The following CHPF2 variants were observed in gnomAD, a reference collection of about 807,000 sequenced individuals.
CHPF2 encodes chondroitin polymerizing factor 2.
Under a neutral mutation model 63.0 loss-of-function variants are expected in CHPF2, and 58 were observed. The observed-to-expected ratio is 0.92, with a 90% CI of 0.75 to 1.15. CHPF2 has a LOEUF of 1.15. CHPF2 is among the 50% of genes most tolerant of loss of function. CHPF2 has a pLI of 0.00. For missense variants in CHPF2, 1,045 were observed against 1,035.4 expected, an observed-to-expected ratio of 1.01 and a Z score of -0.13; for synonymous variants, 442 against 438.0, an observed-to-expected ratio of 1.01 and a Z score of -0.11.
rs772223223 is a variant in CHPF2 at position 151,234,181 on chromosome 7, C to G, written c.170C>G (p.Ser57Cys). ...GERGGPQNPD[S>C]RARLDQSDED... The stretch of plus-strand genomic sequence containing the variant: ...CGAGGAGGGCCACAGAATCCAGATT[C>G]CAGAGCTCGGCTAGACCAAAGTGAT... Residue 57 changes from serine to cysteine, a missense_variant, in exon 1 of 4, where the codon TCC becomes TGC. Transcript: ENST00000035307. The G allele has an allele frequency of 7.6e-5, 123 of 1,613,670 alleles. No individual in the cohort carries two copies. The highest frequency in any genetic ancestry group is 9.9e-5 in the Non-Finnish European group (117 of 1,179,878).
intron 2 of CHPF2, 137 bp from the exon 3 acceptor site, chr7:151,236,271 G>A: frequency 1.5e-6 from 1 of 684,864 alleles, no homozygotes; most frequent in Non-Finnish European, 2.3e-6. Context: ...GTTAAGCGAG[G>A]TGCTGGAAAG....
Position 151,232,992 on chromosome 7 carries a change from C to T in CHPF2, c.-1020C>T, listed in dbSNP as rs1248878568. 3.3e-5 allele frequency: 42 copies of T among 1,281,682 alleles called. No homozygotes were observed. The South Asian group carries it at 9.8e-4, about 30-fold the overall frequency. The allele number at this position is 1,281,682 out of a possible 1,614,324, so 79.4% of individuals were successfully genotyped here. A position where few individuals can be genotyped will look rare whatever the true frequency, so the allele number is the denominator to read the frequency against. On this transcript the variant is annotated 5_prime_UTR_variant, in exon 1 of 4. Coordinates refer to ENST00000035307, the MANE Select transcript of CHPF2 (RefSeq NM_019015.3). ...TCTAGGGCTAGACTTGGTCTCTGATCGCCGAGAGGTAGCGCAGGGGCTGTG... is the reference window on the plus strand; with the variant it reads ...TCTAGGGCTAGACTTGGTCTCTGATTGCCGAGAGGTAGCGCAGGGGCTGTG...
rs563632120 is a variant in CHPF2, at chr7:151,232,516, A to C, written c.-1496A>C. 224 of 500,690 alleles carry C rather than the reference A, an allele frequency of 4.5e-4. No homozygotes were observed. Among genetic ancestry groups the C allele is most frequent in the Non-Finnish European group, 6.3e-4 (179 of 284,812 alleles). 31.0% of individuals were successfully genotyped at this position (500,690 alleles called of 1,614,324 possible). On this transcript the variant is annotated 5_prime_UTR_variant, in exon 1 of 4. Coordinates refer to ENST00000035307, the MANE Select transcript of CHPF2 (RefSeq NM_019015.3). ...CTGCGGACAGGGGCTGTGAGGTGGC[A>C]GCGGCTGCAGCGGCGGAGCCGGCGC...
rs201003391 is a variant in CHPF2 at position 151,233,138 on chromosome 7, C to T, written c.-874C>T. On this transcript the variant is annotated 5_prime_UTR_variant, in exon 1 of 4. Coordinates refer to ENST00000035307, the MANE Select transcript of CHPF2 (RefSeq NM_019015.3). The stretch of plus-strand genomic sequence containing the variant: ...TTGCTTTTGGTTTGCTTCATTTGGC[C>T]CCTGGGGCCCTGGTAAAACCAGGCA... 4.5e-6 allele frequency: 5 copies of T among 1,099,918 alleles called. No homozygotes were observed. Among genetic ancestry groups the T allele is most frequent in the Non-Finnish European group, 5.5e-6 (5 of 903,600 alleles). 68.1% of individuals were successfully genotyped at this position (1,099,918 alleles called of 1,614,324 possible). A position where few individuals can be genotyped will look rare whatever the true frequency, so the allele number is the denominator to read the frequency against.
Position 151,238,138 on chromosome 7 carries a change from T to C in CHPF2, c.1776T>C (p.Leu592=). ...KKHPVDTLFF[L]TTVWTRPGPE... ...ACCCTGTGGACACTCTCTTCTTCCT[T>C]ACCACCGTGTGGACAAGGCCTGGGC... The change falls in exon 4 of 4, where the codon CTT becomes CTC. Residue 592 remains leucine (L), a synonymous_variant. Coordinates refer to ENST00000035307, the MANE Select transcript of CHPF2 (RefSeq NM_019015.3). 1.2e-6 allele frequency: 2 copies of C among 1,612,454 alleles called. No homozygotes were observed. The highest frequency in any genetic ancestry group is 1.7e-6 in the Non-Finnish European group (2 of 1,180,016).
rs548114993 is a variant in CHPF2 at position 151,237,569 on chromosome 7, G to T, written c.1207G>T (p.Val403Leu). 6 of 1,613,834 alleles carry T rather than the reference G, an allele frequency of 3.7e-6. No homozygotes were observed. The highest frequency in any genetic ancestry group is 5.1e-6 in the Non-Finnish European group (6 of 1,180,010). ...CPLQGASRAD[V>L]GDALETALEQ... ...ACTACAGGGGGCTAGCAGGGCGGACGTGGGTGATGCGTTGGAGACTGCCCT... is the reference window on the plus strand; with the variant it reads ...ACTACAGGGGGCTAGCAGGGCGGACTTGGGTGATGCGTTGGAGACTGCCCT... Residue 403 changes from valine to leucine, a missense_variant, in exon 4 of 4, where the codon GTG becomes TTG. Val to Leu is a conservative substitution (Grantham distance 32, BLOSUM62 1). Transcript: ENST00000035307.
In CHPF2 at chr7:151,237,962, G is replaced by A; in HGVS notation, c.1600G>A (p.Gly534Ser). The A allele has an allele frequency of 6.2e-7, 1 of 1,613,208 alleles. No homozygotes were observed. The highest frequency in any genetic ancestry group is 8.5e-7 in the Non-Finnish European group (1 of 1,180,040). Residue 534 changes from glycine to serine, a missense_variant, in exon 4 of 4, where the codon GGT (glycine) becomes AGT (serine). By Grantham distance (56) the Gly-to-Ser change is moderately conservative. Transcript: ENST00000035307. ...TLLLVYGPRE[G>S]GRGAPDPFLG... ...GTTGCTGGTCTACGGGCCACGAGAA[G>A]GTGGCCGTGGAGCTCCAGACCCATT...
rs188793238 is a variant in CHPF2, at chr7:151,232,985, C to T, written c.-1027C>T. ...TCTTCGTTCTAGGGCTAGACTTGGT[C>T]TCTGATCGCCGAGAGGTAGCGCAGG... On this transcript the variant is annotated 5_prime_UTR_variant, in exon 1 of 4. Coordinates refer to ENST00000035307, the MANE Select transcript of CHPF2 (RefSeq NM_019015.3). 8 of 1,289,312 alleles carry T rather than the reference C, an allele frequency of 6.2e-6. No homozygotes were observed. The highest frequency in any genetic ancestry group is 4.2e-5 in the Admixed American group (1 of 24,046). The allele number at this position is 1,289,312 out of a possible 1,614,324, so 79.9% of individuals were successfully genotyped here.
chr7:151,238,265 T>A lies in CHPF2; in HGVS notation c.1903T>A (p.Ser635Thr), dbSNP rs1802751328. ...CAATCCTGCCCTGTCACCACAGAGA[T>A]CACCCCCAGGGCCCCCGGGGGCTGG... ...EFNPALSPQR[S>T]PPGPPGAGPD... Residue 635 changes from serine (S) to threonine (T), a missense_variant, in exon 4 of 4, where the codon TCA (serine) becomes ACA (threonine). Transcript: ENST00000035307. 1 of 1,612,276 alleles carries A rather than the reference T, an allele frequency of 6.2e-7. No individual in the cohort carries two copies. Among genetic ancestry groups the A allele is most frequent in the African/African-American group, 1.3e-5 (1 of 74,830 alleles).
rs771025883 is a variant in CHPF2, at chr7:151,237,615, A to G, written c.1253A>G (p.Tyr418Cys). The G allele has an allele frequency of 4.6e-5, 75 of 1,612,952 alleles. No individual in the cohort carries two copies. Among genetic ancestry groups the G allele is most frequent in the Non-Finnish European group, 5.8e-5 (69 of 1,179,900 alleles). ...GCCCTGGAGCAGCTCAATCGGCGCT[A>G]TCAGCCCCGCCTGCGCTTCCAGAAG... The part of the protein sequence containing the change: ...ETALEQLNRR[Y>C]QPRLRFQKQR... The change falls in exon 4 of 4, where the codon TAT becomes TGT. Residue 418 changes from tyrosine to cysteine, a missense_variant. Coordinates refer to ENST00000035307, the MANE Select transcript of CHPF2 (RefSeq NM_019015.3).
At position 151,237,416 on chromosome 7, in the gene CHPF2, G is replaced by T; in HGVS notation, c.1054G>T (p.Ala352Ser). Residue 352 changes from alanine to serine, a missense_variant, in exon 4 of 4, where the codon GCA becomes TCA. Transcript: ENST00000035307. ...GACCGTGCTGACCCCCGAAGGGGAG[G>T]CAGGGCTGAGCTGGCCCGTTGGGCT... ...NLTVLTPEGE[A>S]GLSWPVGLPA... 1 of 1,608,952 alleles carries T rather than the reference G, an allele frequency of 6.2e-7. No individual in the cohort carries two copies. Among genetic ancestry groups the T allele is most frequent in the South Asian group, 1.1e-5 (1 of 91,014 alleles).
rs369327725 is a variant in CHPF2 at position 151,234,254 on chromosome 7, G to C, written c.243G>C (p.Lys81Asn). The change falls in exon 1 of 4, where the codon AAG (lysine) becomes AAC (asparagine). Residue 81 changes from lysine to asparagine, a missense_variant. By Grantham distance (94) the Lys-to-Asn change is moderately conservative. Coordinates refer to ENST00000035307, the MANE Select transcript of CHPF2 (RefSeq NM_019015.3). ...TCCCCTACTACAGGGACCCCAACAA[G>C]CCCTACAAGAAGGTGCTCAGGTGAG... ...RIVPYYRDPNKPYKKVLRTRY... is the reference protein window; with the variant it reads ...RIVPYYRDPNNPYKKVLRTRY... 1 of 1,598,940 alleles carries C rather than the reference G, an allele frequency of 6.3e-7. No individual in the cohort carries two copies. The highest frequency in any genetic ancestry group is 1.3e-5 in the African/African-American group (1 of 74,424).
intron 1 of CHPF2, 151 bp downstream of exon 1, chr7:151,234,425 C>T: frequency 1.8e-6 from 1 of 545,940 alleles, no homozygotes; most frequent in Non-Finnish European, 3.0e-6. Context: ...CTGTTTTTTC[C>T]CTCCTTCTCA....
intron 2 of CHPF2, among the ~76,000 whole-genome samples, 190 bp downstream of exon 2, chr7:151,235,802 A>G (rs1451144911): frequency 2.0e-5 from 3 of 152,190 alleles, no homozygotes; most frequent in African/African-American, 7.2e-5. Context: ...TCTTGTTAGG[A>G]ACCCCTAAGC....
Position 151,238,749 on chromosome 7 carries a change from G to A in CHPF2, c.*68G>A, listed in dbSNP as rs559336305. On this transcript the variant is annotated 3_prime_UTR_variant, in exon 4 of 4. Transcript: ENST00000035307. Reference sequence around the variant, plus strand: ...CTCAGCCCCAGGAAGGGCAAGGCAAGATGGTGGACAGATAGAGAATTGTTG... The same window carrying A: ...CTCAGCCCCAGGAAGGGCAAGGCAAAATGGTGGACAGATAGAGAATTGTTG... 1.3e-6 allele frequency: 2 copies of A among 1,598,008 alleles called. No homozygotes were observed. Among genetic ancestry groups the A allele is most frequent in the Admixed American group, 1.7e-5 (1 of 58,260 alleles).
In CHPF2 at chr7:151,238,221, C is replaced by T. The variant is rs1264894651; in HGVS notation, c.1859C>T (p.Pro620Leu). The T allele has an allele frequency of 6.2e-7, 1 of 1,612,966 alleles. No individual in the cohort carries two copies. Among genetic ancestry groups the T allele is most frequent in the Non-Finnish European group, 8.5e-7 (1 of 1,179,984 alleles). Residue 620 changes from proline (P) to leucine (L), a missense_variant, in exon 4 of 4, where the codon CCA becomes CTA. Transcript: ENST00000035307. Reference sequence around the variant, plus strand: ...ATCTCTGGCTGGCAGGCCTTCTTTCCAGTCCATTTCCAGGAGTTCAATCCT... The same window carrying T: ...ATCTCTGGCTGGCAGGCCTTCTTTCTAGTCCATTTCCAGGAGTTCAATCCT... ...NAISGWQAFF[P>L]VHFQEFNPAL...
rs1584856994 is a variant in CHPF2, at chr7:151,237,882, T to C, written c.1520T>C (p.Leu507Pro). ...GAAGCTGCTGCAGCCCCGGCTTTCCTCGAGGCCTTTGCAGCCAATGTCCTG... is the reference window on the plus strand; with the variant it reads ...GAAGCTGCTGCAGCCCCGGCTTTCCCCGAGGCCTTTGCAGCCAATGTCCTG... ...VAEAAAAPAF[L>P]EAFAANVLEP... Residue 507 changes from leucine to proline, a missense_variant, in exon 4 of 4, where the codon CTC (leucine) becomes CCC (proline). Leu to Pro is a moderately conservative substitution (Grantham distance 98, BLOSUM62 -3). Transcript: ENST00000035307. 1 of 1,612,752 alleles carries C rather than the reference T, an allele frequency of 6.2e-7. No homozygotes were observed. Among genetic ancestry groups the C allele is most frequent in the Non-Finnish European group, 8.5e-7 (1 of 1,180,006 alleles).
chr7:151,234,113 C>A lies in CHPF2; in HGVS notation c.102C>A (p.Ile34=). Residue 34 remains isoleucine, a synonymous_variant, in exon 1 of 4, where the codon ATC becomes ATA. Coordinates refer to ENST00000035307, the MANE Select transcript of CHPF2 (RefSeq NM_019015.3). The part of the protein sequence containing the change: ...CSLSLLRVSW[I]QGEGEDPCVE... ...TGAGCCTCCTGCGGGTTTCCTGGATCCAGGGGGAGGGAGAAGATCCCTGTG... is the reference window on the plus strand; with the variant it reads ...TGAGCCTCCTGCGGGTTTCCTGGATACAGGGGGAGGGAGAAGATCCCTGTG... 1 of 1,610,726 alleles carries A rather than the reference C, an allele frequency of 6.2e-7. No individual in the cohort carries two copies. Among genetic ancestry groups the A allele is most frequent in the Non-Finnish European group, 8.5e-7 (1 of 1,178,426 alleles).
rs1802517260 is a variant in CHPF2 at position 151,233,024 on chromosome 7, C to T, written c.-988C>T. On this transcript the variant is annotated 5_prime_UTR_variant, in exon 1 of 4. Transcript: ENST00000035307. ...AGGTAGCGCAGGGGCTGTGGGCCCC[C>T]GGCAGGGGTCCTGTCGGAAGCTGGC... 7.9e-7 allele frequency: 1 copy of T among 1,263,184 alleles called. No individual in the cohort carries two copies. Among genetic ancestry groups the T allele is most frequent in the Non-Finnish European group, 1.0e-6 (1 of 1,003,522 alleles). 78.2% of individuals were successfully genotyped at this position (1,263,184 alleles called of 1,614,324 possible). A position where few individuals can be genotyped will look rare whatever the true frequency, so the allele number is the denominator to read the frequency against.
Sources: allele counts gnomAD v4.1 joint callset (sites outside exome capture counted in the v4.1 genomes callset), GRCh38; gene constraint gnomAD v4.1.1; transcripts MANE v1.5; gene names NCBI Gene and HGNC (gene_info 2026-07-23, HGNC 2026-07-21).